Variants in PDCL2 observed in about 807,000 individuals in gnomAD.
The protein encoded by PDCL2 is phosducin-like protein 2.
Under a neutral mutation model 30.3 loss-of-function variants are expected in PDCL2, and 23 were observed. The ratio of observed to expected loss-of-function variants is 0.76; its 90% CI spans 0.55 to 1.08. The LOEUF (loss-of-function observed/expected upper bound fraction) is 1.08. Among genes scored for constraint, PDCL2 ranks in the 50% least tolerant of loss-of-function variants. The pLI is 0.00. For missense variants in PDCL2, 243 were observed against 282.3 expected (o/e 0.86, Z 1.00); for synonymous variants, 68 against 86.2 (o/e 0.79, Z 1.17).
At chr4:55,579,558 C>T (rs1018728404) in intron 3 of PDCL2, among the ~76,000 whole-genome samples, 1 of 152,114 alleles carries the variant, frequency 6.6e-6, no homozygotes. Context: ...CTCAGGTGAT[C>T]CACCCGCCTT....
chr4:55,562,298 GAAGC>G, intron 5 of PDCL2, 102 bp downstream of exon 5: 1 of 644,316 alleles, frequency 1.6e-6, no homozygotes, highest in Admixed American at 4.1e-5. Context: ...AAAGAGACTA[GAAGC>G]AAGGAAAAAA....
chr4:55,559,405 A>G (rs907492619), intron 5 of PDCL2, among the ~76,000 whole-genome samples: 6 of 152,206 alleles, frequency 3.9e-5, no homozygotes, highest in African/African-American at 1.4e-4. Context: ...GCTAGACAGG[A>G]GATAAAGTTA....
chr4:55,575,905 A>C, intron 3 of PDCL2, among the ~76,000 whole-genome samples: 1 of 152,182 alleles, frequency 6.6e-6, no homozygotes, highest in East Asian at 1.9e-4. Context: ...ACACCAAGGG[A>C]CCTAGACCTG....
chr4:55,587,658 C>T (rs1010230310), intron 1 of PDCL2, among the ~76,000 whole-genome samples: 3 of 151,264 alleles, frequency 2.0e-5, no homozygotes, highest in Admixed American at 6.6e-5. Context: ...TAGGTTTAAA[C>T]GATTCTCCTG....
intron 3 of PDCL2, among the ~76,000 whole-genome samples, chr4:55,579,856 T>G (rs1326127571): frequency 3.3e-5 from 5 of 149,508 alleles, no homozygotes; most frequent in Non-Finnish European, 6.0e-5. Flanking sequence ...TTGTTTGTTT[T>G]TTTTTTCGAG....
In PDCL2 at chr4:55,562,420, T is replaced by TTATA; in HGVS notation, c.554_555insTATA (p.Asn186IlefsTer9). 7.1e-7 allele frequency: 1 copy of TTATA among 1,415,870 alleles called. No individual in the cohort carries two copies. Among genetic ancestry groups the TTATA allele is most frequent in the Non-Finnish European group, 9.3e-7 (1 of 1,077,916 alleles). 87.7% of individuals were successfully genotyped at this position (1,415,870 alleles called of 1,614,324 possible). A position where few individuals can be genotyped will look rare whatever the true frequency, so the allele number is the denominator to read the frequency against. On this transcript the variant is annotated frameshift_variant, in exon 5 of 6. Transcript: ENST00000295645. LOFTEE classifies it high-confidence loss of function. ...TAACATTACCTTCCAGCTTGAGATT[T>TTATA]ATCCCTCCACATTCTATAATTCCAA...
At chr4:55,591,000 C>G (rs1732983185) in intron 1 of PDCL2, among the ~76,000 whole-genome samples, 1 of 152,118 alleles carries the variant, frequency 6.6e-6, no homozygotes, top group Admixed American at 6.6e-5. Context: ...GTGATGTTGC[C>G]TTCACTGTCA....
At position 55,562,432 on chromosome 4, in the gene PDCL2, T is replaced by G. The variant is rs751367076; in HGVS notation, c.543A>C (p.Glu181Asp). 2 of 1,461,156 alleles carry G rather than the reference T, an allele frequency of 1.4e-6. No individual in the cohort carries two copies. The highest frequency in any genetic ancestry group is 3.0e-5 in the South Asian group (2 of 65,898). 90.5% of individuals were successfully genotyped at this position (1,461,156 alleles called of 1,614,324 possible). ...QIEAKFIGII[E>D]CGGINLKLEE... ...CCAGCTTGAGATTTATCCCTCCACATTCTATAATTCCAATGAATTTGGCTT... is the reference window on the plus strand; with the variant it reads ...CCAGCTTGAGATTTATCCCTCCACAGTCTATAATTCCAATGAATTTGGCTT... The change falls in exon 5 of 6, where the codon GAA becomes GAC. Residue 181 changes from glutamate (E) to aspartate (D), a missense_variant. Physicochemically the swap from Glu to Asp is conservative, Grantham distance 45. Transcript: ENST00000295645.
chr4:55,572,119 G>A (rs1290553802), intron 3 of PDCL2, among the ~76,000 whole-genome samples: 1 of 152,086 alleles, frequency 6.6e-6, no homozygotes, highest in Non-Finnish European at 1.5e-5. Context: ...TTGGGCAGGG[G>A]AGAACAGTAA....
rs1731976017 is a variant in PDCL2, at chr4:55,556,678, A to G, written c.605T>C (p.Ile202Thr). Residue 202 changes from isoleucine to threonine, a missense_variant, in exon 6 of 6, where the codon ATA (isoleucine) becomes ACA (threonine). Physicochemically the swap from Ile to Thr is moderately conservative, Grantham distance 89 (BLOSUM62 -1). Coordinates refer to ENST00000295645, the MANE Select transcript of PDCL2 (RefSeq NM_152401.3). ...GGGGTTTTCTTCCAAATCAGTCTGT[A>G]TTGCTCCAACTTCTGCTAGCTTCCA... ...LEWKLAEVGA[I>T]QTDLEENPRK... The G allele has an allele frequency of 6.4e-7, 1 of 1,564,688 alleles. No homozygotes were observed. The highest frequency in any genetic ancestry group is 2.3e-5 in the East Asian group (1 of 43,142).
intron 4 of PDCL2, among the ~76,000 whole-genome samples, chr4:55,568,640 T>C (rs761549188): frequency 2.6e-5 from 4 of 152,186 alleles, no homozygotes; most frequent in South Asian, 4.1e-4. Context: ...GGATTCATAG[T>C]ATACCACACC....
At chr4:55,565,778 A>T (rs1732247824) in intron 4 of PDCL2, among the ~76,000 whole-genome samples, 1 of 152,002 alleles carries the variant, frequency 6.6e-6, no homozygotes, top group Non-Finnish European at 1.5e-5. Flanking sequence ...TGATTTGAGT[A>T]ATAATAAAAC....
chr4:55,565,231 T>G (rs1732230540), intron 4 of PDCL2, among the ~76,000 whole-genome samples: 1 of 152,130 alleles, frequency 6.6e-6, no homozygotes, highest in Non-Finnish European at 1.5e-5. Context: ...GACTGATGCC[T>G]CTACCTGGAC....
chr4:55,587,327 C>T (rs1732889054), intron 1 of PDCL2, among the ~76,000 whole-genome samples: 1 of 150,890 alleles, frequency 6.6e-6, no homozygotes, highest in Non-Finnish European at 1.5e-5. Flanking sequence ...GGCCTAATCA[C>T]CTCTTAAAGG....
At chr4:55,579,859 T>C (rs1732666782) in intron 3 of PDCL2, among the ~76,000 whole-genome samples, 1 of 151,020 alleles carries the variant, frequency 6.6e-6, no homozygotes, top group Non-Finnish European at 1.5e-5. Flanking sequence ...TTTGTTTTTT[T>C]TTTCGAGGTG....
intron 5 of PDCL2, among the ~76,000 whole-genome samples, chr4:55,558,781 A>G (rs890920839): frequency 6.6e-6 from 1 of 152,218 alleles, no homozygotes; most frequent in African/African-American, 2.4e-5. Context: ...ATGCCAAATC[A>G]TAACTTTTAT....
At chr4:55,581,182 CT>C (rs1732699857) in intron 2 of PDCL2, among the ~76,000 whole-genome samples, 5 of 152,158 alleles carry the variant, frequency 3.3e-5, no homozygotes, top group African/African-American at 1.2e-4. Context: ...GTAATCCTAG[CT>C]ACTCGGGAGG....
At chr4:55,579,693 T>C (rs1264999690) in intron 3 of PDCL2, among the ~76,000 whole-genome samples, 1 of 151,992 alleles carries the variant, frequency 6.6e-6, no homozygotes, top group Non-Finnish European at 1.5e-5. Context: ...TGGTGGCTTT[T>C]GGTTTTTATT....
chr4:55,579,721 G>A (rs914246646), intron 3 of PDCL2, among the ~76,000 whole-genome samples: 2 of 150,878 alleles, frequency 1.3e-5, no homozygotes, highest in Non-Finnish European at 2.9e-5. Context: ...TGTAGAGACA[G>A]GGTCTTACTA....
Sources: allele counts gnomAD v4.1 joint callset (sites outside exome capture counted in the v4.1 genomes callset), GRCh38; gene constraint gnomAD v4.1.1; transcripts MANE v1.5; gene names NCBI Gene and HGNC (gene_info 2026-07-23, HGNC 2026-07-21).